Variants in KDM4C observed in about 807,000 individuals in gnomAD.
KDM4C encodes lysine-specific demethylase 4C.
In KDM4C, 81 loss-of-function variants were observed where a neutral mutation model predicts 129.3. The observed-to-expected ratio is 0.63, with a 90% CI of 0.52 to 0.75. The LOEUF (loss-of-function observed/expected upper bound fraction) is 0.75. KDM4C is among the 30% of genes least tolerant of loss of function. The probability of loss-of-function intolerance (pLI) is 0.00; values close to 1 mark genes in which losing one functional copy is unlikely to be tolerated. For synonymous variants in KDM4C, 573 were observed against 456.1 expected (o/e 1.26, Z -3.26); for missense variants, 1,457 against 1,304.0 (o/e 1.12, Z -1.81).
At chr9:6,882,879 A>G (rs1227521059) in intron 6 of KDM4C, among the ~76,000 whole-genome samples, 1 of 151,990 alleles carries the variant, frequency 6.6e-6, no homozygotes, top group Non-Finnish European at 1.5e-5. Flanking sequence ...CCTGTGGAGT[A>G]AGAGGTCATA....
At chr9:7,040,355 CT>C (rs1828352557) in intron 15 of KDM4C, among the ~76,000 whole-genome samples, 1 of 127,686 alleles carries the variant, frequency 7.8e-6, no homozygotes, top group East Asian at 2.6e-4. Flanking sequence ...CTTTCCCTCT[CT>C]CTCTACCCCA....
At chr9:6,910,270 CA>C (rs1819053232) in intron 8 of KDM4C, among the ~76,000 whole-genome samples, 1 of 152,000 alleles carries the variant, frequency 6.6e-6, no homozygotes, top group Admixed American at 6.6e-5. Context: ...ATTTGTAATT[CA>C]TTAATCTTTA....
At chr9:6,992,595 G>C (rs1458198134) in intron 12 of KDM4C, among the ~76,000 whole-genome samples, 1 of 152,058 alleles carries the variant, frequency 6.6e-6, no homozygotes, top group Non-Finnish European at 1.5e-5. Flanking sequence ...TTACATCATT[G>C]GGAACTTGAA....
chr9:7,066,486 A>G (rs1160090575), intron 17 of KDM4C, among the ~76,000 whole-genome samples: 1 of 152,256 alleles, frequency 6.6e-6, no homozygotes, highest in African/African-American at 2.4e-5. Flanking sequence ...CATAGTATAG[A>G]TCATTTAAAC....
At chr9:7,066,249 C>A (rs1228226045) in intron 17 of KDM4C, among the ~76,000 whole-genome samples, 1 of 152,072 alleles carries the variant, frequency 6.6e-6, no homozygotes, top group Non-Finnish European at 1.5e-5. Flanking sequence ...ATAAGATGGA[C>A]AGGTCATCCC....
rs556006777 is a variant in KDM4C, at chr9:6,989,413, C to T, written c.1678-1003C>T. Among the ~76,000 whole-genome samples, 45 of 152,070 alleles carry T rather than the reference C, an allele frequency of 3.0e-4. 1 individual carries two copies. In the East Asian group the frequency reaches 3.1e-3, roughly 10 times the overall value. On this transcript the variant is annotated intron_variant, in intron 11 of 21. Coordinates refer to ENST00000381309, the MANE Select transcript of KDM4C (RefSeq NM_015061.6). ...CTGCCTTTAAAAATTTTGCGTTGTG[C>T]GAGCAAGAGAGCTTAAAAGGTGGGT...
intron 8 of KDM4C, chr9:6,941,602 T>G (rs1589225868): frequency 6.6e-6 from 1 of 152,218 alleles, no homozygotes; most frequent in East Asian, 1.9e-4. Flanking sequence ...AGGGCATGCA[T>G]GCAGCCATGT....
At chr9:6,952,528 C>T (rs12684331) in intron 8 of KDM4C, among the ~76,000 whole-genome samples, 38,867 of 151,606 alleles carry the variant, frequency 0.26, 5,505 homozygotes, top group South Asian at 0.42. Context: ...GCAACCTCTG[C>T]CTCCTGGGTT....
chr9:6,728,999 T>C (rs1588034393), intron 1 of KDM4C, among the ~76,000 whole-genome samples: 1 of 142,700 alleles, frequency 7.0e-6, no homozygotes, highest in Non-Finnish European at 1.5e-5. Context: ...AGGTCAGGAG[T>C]TCAAGATCAG....
chr9:6,981,192 C>A, intron 9 of KDM4C, 74 bp downstream of exon 9: 1 of 1,176,036 alleles, frequency 8.5e-7, no homozygotes. Context: ...TTGGATGTGG[C>A]AATTTACTTG....
chr9:7,017,379 C>T (rs1462464731), intron 15 of KDM4C, among the ~76,000 whole-genome samples: 1 of 152,270 alleles, frequency 6.6e-6, no homozygotes, highest in South Asian at 2.1e-4. Context: ...AAATGATCCC[C>T]TATTTAGAGA....
At chr9:6,927,141 G>GT (rs1467212079) in intron 8 of KDM4C, among the ~76,000 whole-genome samples, 1 of 119,430 alleles carries the variant, frequency 8.4e-6, no homozygotes, top group Non-Finnish European at 1.8e-5. Context: ...CTATCTATCT[G>GT]TTTTTTGAGA....
intron 8 of KDM4C, among the ~76,000 whole-genome samples, chr9:6,909,435 A>G (rs1367519327): frequency 6.6e-6 from 1 of 152,220 alleles, no homozygotes; most frequent in East Asian, 1.9e-4. Context: ...TAGCACATCC[A>G]GTGGCATTGT....
At chr9:7,020,976 C>G (rs1180199941) in intron 15 of KDM4C, among the ~76,000 whole-genome samples, 1 of 150,962 alleles carries the variant, frequency 6.6e-6, no homozygotes, top group Non-Finnish European at 1.5e-5. Context: ...CCTTCCTAGC[C>G]TCTGGTTACC....
chr9:6,892,285 A>T (rs1175803769), intron 7 of KDM4C, among the ~76,000 whole-genome samples: 4 of 152,194 alleles, frequency 2.6e-5, no homozygotes, highest in Admixed American at 6.5e-5. Context: ...AGGAGTGAGC[A>T]ATAAGTTTTA....
intron 18 of KDM4C, among the ~76,000 whole-genome samples, chr9:7,106,979 A>G (rs190671104): frequency 6.6e-6 from 1 of 152,266 alleles, no homozygotes; most frequent in African/African-American, 2.4e-5. Context: ...AGATGGAAAA[A>G]AGTGTGTCAC....
chr9:6,858,500 C>T (rs1471136825), intron 5 of KDM4C, among the ~76,000 whole-genome samples: 8 of 152,128 alleles, frequency 5.3e-5, no homozygotes, highest in South Asian at 4.1e-4. Flanking sequence ...CTGTTCACCT[C>T]GCAAATTACT....
intron 17 of KDM4C, chr9:7,076,403 G>T: frequency 1.4e-6 from 2 of 1,458,172 alleles, no homozygotes; most frequent in East Asian, 2.5e-5. Context: ...CTGGCATATT[G>T]GACTTTTAAA....
intron 8 of KDM4C, among the ~76,000 whole-genome samples, chr9:6,964,845 T>C (rs1172822550): frequency 6.8e-6 from 1 of 146,668 alleles, no homozygotes; most frequent in East Asian, 2.0e-4. Flanking sequence ...TCCCAGCTAC[T>C]CGGGAGGCTG....
Sources: allele counts gnomAD v4.1 joint callset (sites outside exome capture counted in the v4.1 genomes callset), GRCh38; gene constraint gnomAD v4.1.1; transcripts MANE v1.5; gene names NCBI Gene and HGNC (gene_info 2026-07-23, HGNC 2026-07-21).